The following ROBO1 variants were observed in gnomAD, a reference collection of about 807,000 sequenced individuals.
The protein encoded by ROBO1 is roundabout homolog 1.
In ROBO1, 149 loss-of-function variants were observed where a neutral mutation model predicts 195.9. The ratio of observed to expected loss-of-function variants is 0.76; its 90% CI spans 0.67 to 0.87. The LOEUF (loss-of-function observed/expected upper bound fraction) is 0.87. Ranked by LOEUF, ROBO1 falls within the 40% of genes least tolerant of loss-of-function variation. ROBO1 has a pLI of 0.00. For missense variants in ROBO1, 1,933 were observed against 2,068.3 expected (o/e 0.93, Z 1.27); for synonymous variants, 816 against 733.2 (o/e 1.11, Z -1.82).
At chr3:78,938,576 A>G (rs773742758) in intron 4 of ROBO1, 25 bp downstream of exon 4, 6 of 1,582,020 alleles carry the variant, frequency 3.8e-6, no homozygotes, top group Non-Finnish European at 5.2e-6. Flanking sequence ...CCCTCTGCCA[A>G]ACACAGAGCG....
rs565409736 is a variant in ROBO1, at chr3:79,234,932, A to C, written c.89-109393T>G. 2.0e-5 allele frequency among the ~76,000 whole-genome samples: 3 copies of C among 152,244 alleles called. No homozygotes were observed. The South Asian group carries it at 6.2e-4, about 32-fold the overall frequency. ...CCTAAACCTCAGAATCATGCAATAT[A>C]TCCACGTAGCAAACTTGCACACGTA... On this transcript the variant is annotated intron_variant, in intron 2 of 30. Transcript: ENST00000464233.
At chr3:79,699,561 A>C (rs966221939) in intron 1 of ROBO1, among the ~76,000 whole-genome samples, 1 of 151,698 alleles carries the variant, frequency 6.6e-6, no homozygotes, top group African/African-American at 2.4e-5. Flanking sequence ...CACACCTACC[A>C]GGGGTACAAT....
At chr3:79,007,673 A>G (rs2077658878) in intron 3 of ROBO1, among the ~76,000 whole-genome samples, 1 of 152,178 alleles carries the variant, frequency 6.6e-6, no homozygotes, top group East Asian at 1.9e-4. Flanking sequence ...AATTGTATGT[A>G]TTTATGGTGT....
chr3:79,388,511 AG>A (rs993978729), intron 2 of ROBO1, among the ~76,000 whole-genome samples: 6 of 151,936 alleles, frequency 3.9e-5, no homozygotes, highest in African/African-American at 1.2e-4. Flanking sequence ...TCTCTCAAGT[AG>A]GAAAAAAACA....
At chr3:78,670,419 TA>T (rs1708002308) in intron 10 of ROBO1, 118 bp from the exon 11 acceptor site, 2 of 811,336 alleles carry the variant, frequency 2.5e-6, no homozygotes, top group Non-Finnish European at 3.9e-6. Context: ...AACAAGTAAT[TA>T]AAGTAGCAGA....
chr3:79,317,238 T>C (rs2109114953), intron 2 of ROBO1, among the ~76,000 whole-genome samples: 2 of 152,238 alleles, frequency 1.3e-5, no homozygotes, highest in Middle Eastern at 3.4e-3. Context: ...CCAAAAAATA[T>C]TATTTCTATT....
At chr3:79,427,761 G>C (rs1041780542) in intron 2 of ROBO1, among the ~76,000 whole-genome samples, 6 of 151,996 alleles carry the variant, frequency 3.9e-5, no homozygotes, top group Non-Finnish European at 7.4e-5. Flanking sequence ...AAACTAGACT[G>C]GTATCTCTCA....
chr3:78,816,333 A>G (rs1212891787), intron 4 of ROBO1, among the ~76,000 whole-genome samples: 3 of 82,500 alleles, frequency 3.6e-5, no homozygotes, highest in African/African-American at 6.3e-5. Flanking sequence ...CTTTCAAAAT[A>G]TTACTGCTTA....
intron 3 of ROBO1, among the ~76,000 whole-genome samples, chr3:79,088,576 C>G (rs2079418381): frequency 6.6e-6 from 1 of 152,012 alleles, no homozygotes; most frequent in Admixed American, 6.6e-5. Context: ...AGGTAAGAAG[C>G]ACATCTTTAA....
chr3:78,994,368 G>A (rs2077310436), intron 3 of ROBO1, among the ~76,000 whole-genome samples: 1 of 152,050 alleles, frequency 6.6e-6, no homozygotes, highest in Admixed American at 6.6e-5. Flanking sequence ...AAACAGTGGA[G>A]AAAAAAGGGC....
chr3:79,492,894 T>C (rs1939542095), intron 2 of ROBO1, among the ~76,000 whole-genome samples: 1 of 152,114 alleles, frequency 6.6e-6, no homozygotes, highest in African/African-American at 2.4e-5. Flanking sequence ...TTATTCTTAT[T>C]AAAATTCCCA....
intron 2 of ROBO1, among the ~76,000 whole-genome samples, chr3:79,511,935 G>A (rs1940727152): frequency 6.6e-6 from 1 of 152,136 alleles, no homozygotes; most frequent in Admixed American, 6.6e-5. Flanking sequence ...TAAAAGGTGA[G>A]AGGAGGGAGA....
intron 4 of ROBO1, among the ~76,000 whole-genome samples, chr3:78,890,826 A>G (rs528356579): frequency 6.6e-6 from 1 of 152,224 alleles, no homozygotes; most frequent in African/African-American, 2.4e-5. Flanking sequence ...CTATAGCACA[A>G]TCATAACTCA....
At chr3:79,291,273 T>C (rs1428875714) in intron 2 of ROBO1, among the ~76,000 whole-genome samples, 1 of 152,188 alleles carries the variant, frequency 6.6e-6, no homozygotes, top group Non-Finnish European at 1.5e-5. Context: ...TTTCATCATG[T>C]TGGCCCCTAA....
chr3:79,104,221 C>T (rs983741404), intron 3 of ROBO1, among the ~76,000 whole-genome samples: 5 of 151,816 alleles, frequency 3.3e-5, no homozygotes, highest in Admixed American at 6.6e-5. Flanking sequence ...GAGTCATGAA[C>T]GCTTTCATAG....
chr3:79,206,932 C>A (rs983894651), intron 2 of ROBO1, among the ~76,000 whole-genome samples: 1 of 152,186 alleles, frequency 6.6e-6, no homozygotes, highest in African/African-American at 2.4e-5. Context: ...AAGCTATCAA[C>A]TATAAGCAGA....
At chr3:79,388,157 G>A (rs2036823212) in intron 2 of ROBO1, among the ~76,000 whole-genome samples, 1 of 152,108 alleles carries the variant, frequency 6.6e-6, no homozygotes, top group African/African-American at 2.4e-5. Context: ...TATAATTGCT[G>A]CCATAATACT....
At chr3:78,920,626 T>TTTTTTG (rs2038887167) in intron 4 of ROBO1, among the ~76,000 whole-genome samples, 9 of 120,392 alleles carry the variant, frequency 7.5e-5, no homozygotes, top group African/African-American at 3.4e-4. Flanking sequence ...TTCTTTCAGT[T>TTTTTTG]TTTTTTTTTT....
In ROBO1 at chr3:79,117,650, G is replaced by A. The variant is rs1048295261; in HGVS notation, c.172+7806C>T. Among the ~76,000 whole-genome samples, 6 of 152,124 alleles carry A rather than the reference G, an allele frequency of 3.9e-5. No homozygotes were observed. In the South Asian group the frequency reaches 8.3e-4, roughly 21 times the overall value. On this transcript the variant is annotated intron_variant, in intron 3 of 30. Coordinates refer to ENST00000464233, the MANE Select transcript of ROBO1 (RefSeq NM_002941.4). ...TGGCATAACCTACTGTAATACCCAC[G>A]TATATCACTGCAATACCAACCTGTA...
Sources: allele counts gnomAD v4.1 joint callset (sites outside exome capture counted in the v4.1 genomes callset), GRCh38; gene constraint gnomAD v4.1.1; transcripts MANE v1.5; gene names NCBI Gene and HGNC (gene_info 2026-07-23, HGNC 2026-07-21).